CACNB2: variants seen among roughly 807,000 people sequenced by gnomAD.
CACNB2 encodes voltage-dependent L-type calcium channel subunit beta-2.
Under a neutral mutation model 73.3 loss-of-function variants are expected in CACNB2, and 42 were observed. That is an observed-to-expected ratio of 0.57 (90% confidence interval 0.45 to 0.74). CACNB2 has a LOEUF of 0.74. CACNB2 is among the 30% of genes least tolerant of loss of function. The probability of loss-of-function intolerance (pLI) is 0.00; values close to 1 mark genes in which losing one functional copy is unlikely to be tolerated. For synonymous variants in CACNB2, 348 were observed against 310.3 expected (o/e 1.12, Z -1.28); for missense variants, 940 against 853.0 (o/e 1.10, Z -1.27).
chr10:18,323,359 T>C (rs1177370367), intron 2 of CACNB2, among the ~76,000 whole-genome samples: 1 of 151,780 alleles, frequency 6.6e-6, no homozygotes, highest in Non-Finnish European at 1.5e-5. Context: ...AATGCAATCA[T>C]ATTCTAAGTA....
At chr10:18,340,793 A>T in intron 2 of CACNB2, 5 of 1,593,504 alleles carry the variant, frequency 3.1e-6, no homozygotes, top group Non-Finnish European at 4.3e-6. Context: ...ACCCCAAGCC[A>T]GCAAGAAAAA....
intron 3 of CACNB2, among the ~76,000 whole-genome samples, chr10:18,459,169 A>G (rs960847662): frequency 6.6e-6 from 1 of 152,156 alleles, no homozygotes; most frequent in African/African-American, 2.4e-5. Flanking sequence ...AAAAACATAC[A>G]GTTTTGGCTT....
chr10:18,481,751 G>A lies in CACNB2; in HGVS notation c.334-16604G>A, dbSNP rs1349012286. Among the ~76,000 whole-genome samples the A allele has an allele frequency of 2.0e-5, 3 of 152,122 alleles. No homozygotes were observed. The East Asian group carries it at 5.8e-4, about 29-fold the overall frequency. ...GATTGTACTCTTATATAAGCTCAGT[G>A]CCTCAGTATCTGCTGTCTGGAGAGC... On this transcript the variant is annotated intron_variant, in intron 3 of 13. Coordinates refer to ENST00000324631, the MANE Select transcript of CACNB2 (RefSeq NM_201596.3).
intron 3 of CACNB2, among the ~76,000 whole-genome samples, chr10:18,434,323 A>T (rs1012039263): frequency 3.9e-5 from 6 of 152,176 alleles, no homozygotes; most frequent in African/African-American, 1.4e-4. Flanking sequence ...TAACATAGGG[A>T]ATTAGGAATG....
chr10:18,496,784 A>C (rs1331927017), intron 3 of CACNB2, among the ~76,000 whole-genome samples: 2 of 138,860 alleles, frequency 1.4e-5, no homozygotes, highest in African/African-American at 5.7e-5. Context: ...ATTGCTCTCC[A>C]GCTTGGGCAA....
intron 3 of CACNB2, among the ~76,000 whole-genome samples, chr10:18,466,121 G>A (rs368563126): frequency 6.6e-6 from 1 of 152,206 alleles, no homozygotes; most frequent in Admixed American, 6.5e-5. Flanking sequence ...TGACATTCCA[G>A]TTACGGTGCA....
chr10:18,232,782 A>G (rs947805631), intron 2 of CACNB2, among the ~76,000 whole-genome samples: 1 of 152,186 alleles, frequency 6.6e-6, no homozygotes, highest in Non-Finnish European at 1.5e-5. Flanking sequence ...CAAATATCCC[A>G]GTATCTTTTG....
intron 2 of CACNB2, among the ~76,000 whole-genome samples, chr10:18,281,656 T>C (rs1427324652): frequency 1.3e-5 from 2 of 152,112 alleles, no homozygotes; most frequent in African/African-American, 4.8e-5. Context: ...GACAAGGACT[T>C]AGTGTAGGTA....
At chr10:18,454,397 C>T (rs1245673548) in intron 3 of CACNB2, among the ~76,000 whole-genome samples, 1 of 152,168 alleles carries the variant, frequency 6.6e-6, no homozygotes, top group Non-Finnish European at 1.5e-5. Context: ...TTTTCCTAAT[C>T]ACCATCCCTC....
intron 2 of CACNB2, among the ~76,000 whole-genome samples, chr10:18,157,889 C>T (rs1303185628): frequency 6.6e-6 from 1 of 152,168 alleles, no homozygotes; most frequent in Non-Finnish European, 1.5e-5. Flanking sequence ...AGAATGTCTT[C>T]AGCGTTGTAA....
chr10:18,195,977 C>G (rs1003120986), intron 2 of CACNB2, among the ~76,000 whole-genome samples: 1 of 152,128 alleles, frequency 6.6e-6, no homozygotes, highest in African/African-American at 2.4e-5. Flanking sequence ...CTTTATTTCT[C>G]TCTCTGTGAA....
intron 2 of CACNB2, among the ~76,000 whole-genome samples, chr10:18,167,364 T>C (rs1489422156): frequency 6.6e-6 from 1 of 152,108 alleles, no homozygotes; most frequent in Non-Finnish European, 1.5e-5. Flanking sequence ...TGTTCACTAT[T>C]GGGGTGATGA....
At chr10:18,152,288 G>T (rs2031626740) in intron 2 of CACNB2, among the ~76,000 whole-genome samples, 1 of 152,170 alleles carries the variant, frequency 6.6e-6, no homozygotes, top group African/African-American at 2.4e-5. Flanking sequence ...AAAAAAACTG[G>T]TCCTGGTCCG....
At chr10:18,329,745 G>C (rs532315731) in intron 2 of CACNB2, among the ~76,000 whole-genome samples, 131 of 152,112 alleles carry the variant, frequency 8.6e-4, no homozygotes, top group African/African-American at 2.9e-3. Flanking sequence ...TCGTTTTATA[G>C]TACTTTTATC....
chr10:18,301,849 A>G (rs953749760), intron 2 of CACNB2, among the ~76,000 whole-genome samples: 1 of 151,668 alleles, frequency 6.6e-6, no homozygotes, highest in Non-Finnish European at 1.5e-5. Context: ...GGGTTTCACC[A>G]TGTTGGCCAG....
At chr10:18,502,676 C>A (rs1220954312) in intron 5 of CACNB2, among the ~76,000 whole-genome samples, 1 of 104,604 alleles carries the variant, frequency 9.6e-6, no homozygotes. Flanking sequence ...GGCGACAGAG[C>A]AAGACTCCAT....
At chr10:18,332,521 C>T (rs758226119) in intron 2 of CACNB2, among the ~76,000 whole-genome samples, 1 of 152,108 alleles carries the variant, frequency 6.6e-6, no homozygotes, top group Non-Finnish European at 1.5e-5. Context: ...AATCCAACCT[C>T]GCAGAAACAA....
chr10:18,481,620 A>G (rs1158334712), intron 3 of CACNB2, among the ~76,000 whole-genome samples: 1 of 151,994 alleles, frequency 6.6e-6, no homozygotes, highest in Non-Finnish European at 1.5e-5. Flanking sequence ...GGATTGAGCC[A>G]TCAATCAATC....
intron 2 of CACNB2, chr10:18,400,904 A>G: frequency 1.3e-6 from 2 of 1,551,616 alleles, no homozygotes; most frequent in South Asian, 2.4e-5. Context: ...GGAGGCAGAA[A>G]GGGACGGAGA....
Sources: allele counts gnomAD v4.1 joint callset (sites outside exome capture counted in the v4.1 genomes callset), GRCh38; gene constraint gnomAD v4.1.1; transcripts MANE v1.5; gene names NCBI Gene and HGNC (gene_info 2026-07-23, HGNC 2026-07-21).